DOCK1: variants seen among roughly 807,000 people sequenced by gnomAD.
DOCK1 encodes the protein dedicator of cytokinesis protein 1.
Under a neutral mutation model 262.7 loss-of-function variants are expected in DOCK1, and 138 were observed. The ratio of observed to expected loss-of-function variants is 0.53; its 90% confidence interval spans 0.46 to 0.61. The LOEUF is 0.61. Ranked by LOEUF, DOCK1 falls within the 20% of genes least tolerant of loss-of-function variation. DOCK1 has a pLI of 0.00. For missense variants in DOCK1, 1,908 were observed against 2,370.7 expected (o/e 0.80, Z 4.05); for synonymous variants, 866 against 867.4 (o/e 1.00, Z 0.03).
At chr10:127,262,999 C>T (rs1210163063) in intron 29 of DOCK1, among the ~76,000 whole-genome samples, 1 of 152,164 alleles carries the variant, frequency 6.6e-6, no homozygotes, top group Non-Finnish European at 1.5e-5. Flanking sequence ...CGTGCCTGAG[C>T]CACCTAGCTA....
Position 127,257,321 on chromosome 10 carries a change from T to G in DOCK1, c.2950-14T>G. 1.3e-6 allele frequency: 2 copies of G among 1,569,668 alleles called. No individual in the cohort carries two copies. The highest frequency in any genetic ancestry group is 1.7e-6 in the Non-Finnish European group (2 of 1,153,790). The stretch of plus-strand genomic sequence containing the variant: ...CTTTGTGGGCCATTTCAGTGTTTTG[T>G]TTTTTTATTTCAGGATTTCCTAATG... On this transcript the variant is annotated splice_polypyrimidine_tract_variant and intron_variant, in intron 28 of 51. Transcript: ENST00000623213.
chr10:127,247,347 C>G lies in DOCK1; in HGVS notation c.2848-661C>G, dbSNP rs147445298. ...CTGATGAGCCCACATTCCTCCTGTC[C>G]TTCTTCTCGGGGAGGAGAATTGGGC... On this transcript the variant is annotated intron_variant, in intron 27 of 51. Transcript: ENST00000623213. Among the ~76,000 whole-genome samples the G allele has an allele frequency of 1.3e-3, 196 of 152,242 alleles. 1 individual carries two copies. The highest frequency in any genetic ancestry group is 4.5e-3 in the African/African-American group (186 of 41,546).
In DOCK1 at chr10:126,978,131, G is replaced by A. The variant is rs1322952133; in HGVS notation, c.171+143G>A. On this transcript the variant is annotated intron_variant, in intron 3 of 51. Transcript: ENST00000623213. The stretch of plus-strand genomic sequence containing the variant: ...TAAAAAAATATATGGGTAGGAATGT[G>A]AACGAGCTTGGATTGTTTTCTTCTG... The A allele has an allele frequency of 1.3e-5, 10 of 790,734 alleles. 1 individual carries two copies. In the South Asian group the frequency reaches 1.4e-4, roughly 11 times the overall value. The allele number at this position is 790,734 out of a possible 1,614,324, so 49.0% of individuals were successfully genotyped here.
intron 29 of DOCK1, among the ~76,000 whole-genome samples, chr10:127,291,203 C>T (rs2061334873): frequency 6.6e-6 from 1 of 152,218 alleles, no homozygotes; most frequent in African/African-American, 2.4e-5. Context: ...CAGAGGCTCA[C>T]CGTGCTTAAG....
At chr10:127,173,148 A>T (rs2054740032) in intron 27 of DOCK1, among the ~76,000 whole-genome samples, 1 of 152,134 alleles carries the variant, frequency 6.6e-6, no homozygotes, top group Non-Finnish European at 1.5e-5. Flanking sequence ...GGCCAGCAAG[A>T]TCAACACTCA....
intron 25 of DOCK1, among the ~76,000 whole-genome samples, chr10:127,116,870 T>G (rs952754203): frequency 5.9e-5 from 9 of 152,314 alleles, no homozygotes; most frequent in Middle Eastern, 3.4e-3. Context: ...GCTGATGACT[T>G]CTGATGAACG....
chr10:127,149,459 G>A (rs1297992720), intron 27 of DOCK1, among the ~76,000 whole-genome samples: 3 of 152,156 alleles, frequency 2.0e-5, no homozygotes, highest in Non-Finnish European at 4.4e-5. Context: ...AGAGAAATAT[G>A]TACCGCCTCC....
chr10:127,431,300 A>G (rs535825021), intron 47 of DOCK1, among the ~76,000 whole-genome samples: 2 of 152,204 alleles, frequency 1.3e-5, no homozygotes, highest in East Asian at 1.9e-4. Context: ...TAGAGGCTCA[A>G]TCAAGAAGGA....
chr10:127,205,726 TATGACAAGTG>T (rs1374013259), intron 27 of DOCK1, among the ~76,000 whole-genome samples: 2 of 152,222 alleles, frequency 1.3e-5, no homozygotes, highest in East Asian at 3.8e-4. Flanking sequence ...TTGCGATTCA[TATGACAAGTG>T]TTGAAACAGG....
Position 127,450,501 on chromosome 10 carries a change from C to T in DOCK1, c.5566-831C>T, listed in dbSNP as rs141883729. On this transcript the variant is annotated intron_variant, in intron 51 of 51. Transcript: ENST00000623213. ...TCATTTCTTCATTTATCCACTGACT[C>T]GTTTATTCACTCATTCATTTATTCA... Among the ~76,000 whole-genome samples, 785 of 152,260 alleles carry T rather than the reference C, an allele frequency of 5.2e-3. 8 individuals are homozygous for T. Among genetic ancestry groups the T allele is most frequent in the African/African-American group, 0.018 (740 of 41,544 alleles).
intron 23 of DOCK1, among the ~76,000 whole-genome samples, chr10:127,069,568 C>A (rs1041443444): frequency 6.6e-6 from 1 of 152,090 alleles, no homozygotes; most frequent in Non-Finnish European, 1.5e-5. Context: ...CTGAGGATGT[C>A]ATGGGCATGA....
intron 23 of DOCK1, among the ~76,000 whole-genome samples, chr10:127,063,962 T>C (rs1023512191): frequency 1.1e-4 from 16 of 152,358 alleles, no homozygotes; most frequent in African/African-American, 3.8e-4. Context: ...TGGTAATTGG[T>C]ATCGTATTAT....
In DOCK1 at chr10:127,203,060, T is replaced by C. The variant is rs1016334722; in HGVS notation, c.2848-44948T>C. On this transcript the variant is annotated intron_variant, in intron 27 of 51. Transcript: ENST00000623213. ...ATAAAAACAGGCACTGAAACAGCAA[T>C]ATACTCAAATCATTTTGCATTTCGA... Among the ~76,000 whole-genome samples, 3 of 152,216 alleles carry C rather than the reference T, an allele frequency of 2.0e-5. No homozygotes were observed. In the East Asian group the frequency reaches 5.8e-4, roughly 29 times the overall value.
chr10:126,989,195 A>C (rs1174387476), intron 5 of DOCK1, among the ~76,000 whole-genome samples: 1 of 152,170 alleles, frequency 6.6e-6, no homozygotes, highest in African/African-American at 2.4e-5. Flanking sequence ...GGATATTAGA[A>C]ACTCCTAGAA....
chr10:127,225,607 G>A (rs1355868652), intron 27 of DOCK1, among the ~76,000 whole-genome samples: 1 of 152,218 alleles, frequency 6.6e-6, no homozygotes, highest in African/African-American at 2.4e-5. Flanking sequence ...TCTAGCCAAG[G>A]AGTTTGGGGT....
At chr10:126,982,005 T>A in intron 4 of DOCK1, 32 bp downstream of exon 4, 1 of 1,608,580 alleles carries the variant, frequency 6.2e-7, no homozygotes, top group South Asian at 1.1e-5. Context: ...AAATGAAGAA[T>A]TGCAAGTACT....
chr10:127,072,642 A>G (rs780215883), intron 23 of DOCK1, among the ~76,000 whole-genome samples: 14 of 152,126 alleles, frequency 9.2e-5, no homozygotes, highest in Non-Finnish European at 1.6e-4. Context: ...TATGGTTTGG[A>G]GAGAACTGTG....
At chr10:127,270,592 G>C (rs1012760323) in intron 29 of DOCK1, among the ~76,000 whole-genome samples, 1 of 151,572 alleles carries the variant, frequency 6.6e-6, no homozygotes, top group African/African-American at 2.4e-5. Flanking sequence ...CCTGTGTGTG[G>C]CGTGGTCATT....
At chr10:127,147,166 T>G (rs2051947958) in intron 27 of DOCK1, among the ~76,000 whole-genome samples, 1 of 152,352 alleles carries the variant, frequency 6.6e-6, no homozygotes, top group Middle Eastern at 3.4e-3. Flanking sequence ...GGGAAGGAAC[T>G]TGCCTTCTTT....
Sources: allele counts gnomAD v4.1 joint callset (sites outside exome capture counted in the v4.1 genomes callset), GRCh38; gene constraint gnomAD v4.1.1; transcripts MANE v1.5; gene names NCBI Gene and HGNC (gene_info 2026-07-23, HGNC 2026-07-21).